The following SHROOM2 variants were observed in gnomAD, a reference collection of about 807,000 sequenced individuals.
SHROOM2 encodes shroom family member 2.
Under a neutral mutation model 75.9 loss-of-function variants are expected in SHROOM2, and 33 were observed. The observed-to-expected ratio is 0.43, with a 90% CI of 0.33 to 0.58. The LOEUF is 0.58. Ranked by LOEUF, SHROOM2 falls within the 20% of genes least tolerant of loss-of-function variation. SHROOM2 has a pLI of 0.04. For synonymous variants in SHROOM2, 655 were observed against 663.6 expected (o/e 0.99, Z 0.20); for missense variants, 1,434 against 1,461.2 (o/e 0.98, Z 0.30).
chrX:9,905,574 G>A (rs931920298), intron 5 of SHROOM2, among the ~76,000 whole-genome samples: 8 of 113,287 alleles, frequency 7.1e-5, no homozygotes, highest in African/African-American at 2.2e-4. Flanking sequence ...GTGACGGCGC[G>A]GGAGCCAGTG....
At chrX:9,834,465 G>A (rs1183600996) in intron 1 of SHROOM2, among the ~76,000 whole-genome samples, 1 of 111,866 alleles carries the variant, frequency 8.9e-6, no homozygotes, top group Non-Finnish European at 1.9e-5. Context: ...AAAACAGGGA[G>A]CAGAGCTCGG....
intron 2 of SHROOM2, among the ~76,000 whole-genome samples, chrX:9,880,092 T>C (rs938496389): frequency 2.7e-5 from 3 of 112,036 alleles, no homozygotes; most frequent in Non-Finnish European, 3.8e-5. Flanking sequence ...GGGAATGTCC[T>C]CTCTTGAGAC....
At chrX:9,915,711 A>G (rs1226043380) in intron 5 of SHROOM2, among the ~76,000 whole-genome samples, 4 of 112,577 alleles carry the variant, frequency 3.6e-5, no homozygotes, top group Non-Finnish European at 7.5e-5. Flanking sequence ...ACATATGTGT[A>G]CTACACACAT....
At chrX:9,872,979 A>G (rs1469659030) in intron 1 of SHROOM2, among the ~76,000 whole-genome samples, 11 of 112,606 alleles carry the variant, frequency 9.8e-5, no homozygotes. Flanking sequence ...TACATGCTAC[A>G]ACGTAGATAA....
rs774361598 is a variant in SHROOM2, at chrX:9,840,687, A to T, written c.166-32965A>T. Among the ~76,000 whole-genome samples, 7 of 112,188 alleles carry T rather than the reference A, an allele frequency of 6.2e-5. No individual in the cohort carries two copies. The East Asian group carries it at 1.9e-3, about 31-fold the overall frequency. On this transcript the variant is annotated intron_variant, in intron 1 of 9. Coordinates refer to ENST00000380913, the MANE Select transcript of SHROOM2 (RefSeq NM_001649.4). ...TGAGGTGGGCTGTTTATAGTAGGGT[A>T]GATGCTTCTAATCTAATGTAGAATT...
rs762633255 is a variant in SHROOM2 at position 9,849,452 on chromosome X, G to A, written c.166-24200G>A. Among the ~76,000 whole-genome samples, 8 of 112,085 alleles carry A rather than the reference G, an allele frequency of 7.1e-5. No homozygotes were observed. The South Asian group carries it at 3.0e-3, about 41-fold the overall frequency. ...GGGACCAGGGCTGCAGCTTCCCTAT[G>A]GGGGTGCTGGTGGCCTTGTGGCACT... On this transcript the variant is annotated intron_variant, in intron 1 of 9. Coordinates refer to ENST00000380913, the MANE Select transcript of SHROOM2 (RefSeq NM_001649.4).
At chrX:9,871,711 G>A (rs897765899) in intron 1 of SHROOM2, among the ~76,000 whole-genome samples, 1 of 111,999 alleles carries the variant, frequency 8.9e-6, no homozygotes, top group Admixed American at 9.5e-5. Context: ...TCAGATCTAG[G>A]TGGAGATTTC....
intron 1 of SHROOM2, among the ~76,000 whole-genome samples, chrX:9,859,764 A>G (rs1016924957): frequency 4.5e-5 from 5 of 111,707 alleles, no homozygotes; most frequent in Non-Finnish European, 7.5e-5. Flanking sequence ...TGTCCAGAAC[A>G]GCAAGGCTTG....
chrX:9,884,363 C>CTTTTT (rs2084248443), intron 2 of SHROOM2, among the ~76,000 whole-genome samples: 1 of 61,149 alleles, frequency 1.6e-5, no homozygotes, highest in Non-Finnish European at 2.9e-5. Context: ...TTTTTTTTTT[C>CTTTTT]TTTTCTTTTT....
At chrX:9,942,778 T>G (rs2084783652) in intron 8 of SHROOM2, among the ~76,000 whole-genome samples, 1 of 110,961 alleles carries the variant, frequency 9.0e-6, no homozygotes, top group Non-Finnish European at 1.9e-5. Flanking sequence ...CTGATAGAAA[T>G]CTGTGTAGAA....
At chrX:9,875,688 G>C (rs1249623132) in intron 2 of SHROOM2, among the ~76,000 whole-genome samples, 1 of 112,603 alleles carries the variant, frequency 8.9e-6, no homozygotes, top group African/African-American at 3.2e-5. Context: ...TGAATGTTCA[G>C]AGACATTTCT....
chrX:9,891,647 T>G (rs2084292885), intron 3 of SHROOM2, among the ~76,000 whole-genome samples: 1 of 110,873 alleles, frequency 9.0e-6, no homozygotes, highest in South Asian at 3.8e-4. Context: ...TGAGTGTGTG[T>G]GTGTATCTGT....
At position 9,894,484 on chromosome X, in the gene SHROOM2, G is replaced by C; in HGVS notation, c.576G>C (p.Lys192Asn). Residue 192 changes from lysine (K) to asparagine (N), a missense_variant, in exon 4 of 10, where the codon AAG becomes AAC. This residue lies in a region of SHROOM2 where 1,340 missense variants were observed against 1,338.3 expected (regional missense o/e 1.00). Coordinates refer to ENST00000380913, the MANE Select transcript of SHROOM2 (RefSeq NM_001649.4). ...DHPSSRLSVA[K>N]SNSSIDHLGS... ...CCTCCAGTCGCCTCTCGGTGGCCAAGTCCAACAGCAGCATCGACCACCTGG... is the reference window on the plus strand; with the variant it reads ...CCTCCAGTCGCCTCTCGGTGGCCAACTCCAACAGCAGCATCGACCACCTGG... 2 of 1,207,510 alleles carry C rather than the reference G, an allele frequency of 1.7e-6. No homozygotes were observed. The highest frequency in any genetic ancestry group is 2.2e-6 in the Non-Finnish European group (2 of 894,013).
intron 1 of SHROOM2, among the ~76,000 whole-genome samples, chrX:9,866,294 C>G (rs1032446152): frequency 1.8e-5 from 2 of 109,252 alleles, no homozygotes; most frequent in African/African-American, 6.7e-5. Flanking sequence ...ATTAAGCAGA[C>G]TGAGAGGTGA....
At chrX:9,941,997 T>A (rs1225560280) in intron 8 of SHROOM2, among the ~76,000 whole-genome samples, 3 of 101,607 alleles carry the variant, frequency 3.0e-5, no homozygotes, top group Non-Finnish European at 6.0e-5. Flanking sequence ...AAAAAAAAAA[T>A]TCCTGAGCAG....
intron 8 of SHROOM2, among the ~76,000 whole-genome samples, chrX:9,941,344 G>A (rs1043880587): frequency 1.2e-4 from 13 of 111,757 alleles, no homozygotes; most frequent in Non-Finnish European, 1.9e-5. Flanking sequence ...ATAGCAGATG[G>A]GCCTGCCAGA....
intron 1 of SHROOM2, among the ~76,000 whole-genome samples, chrX:9,808,087 C>T (rs1269747091): frequency 9.0e-6 from 1 of 111,211 alleles, no homozygotes; most frequent in Non-Finnish European, 1.9e-5. Context: ...CAGACTTTGC[C>T]CCGCTTGGAG....
intron 5 of SHROOM2, among the ~76,000 whole-genome samples, chrX:9,928,196 G>A (rs2084613549): frequency 8.9e-6 from 1 of 112,280 alleles, no homozygotes; most frequent in Non-Finnish European, 1.9e-5. Flanking sequence ...TGGGCTCCAT[G>A]TAGCAGATCT....
intron 5 of SHROOM2, among the ~76,000 whole-genome samples, chrX:9,908,272 G>T (rs2084402357): frequency 8.9e-6 from 1 of 111,880 alleles, no homozygotes; most frequent in Non-Finnish European, 1.9e-5. Flanking sequence ...GACCACATGG[G>T]CTGGGCATGC....
Sources: gnomAD v4.1 joint callset for allele counts (sites outside exome capture counted in the v4.1 genomes callset) on GRCh38, gnomAD v4.1.1 for gene constraint, gnomAD v4.1.1 regional missense constraint, MANE v1.5 for transcripts, NCBI Gene and HGNC (gene_info 2026-07-23, HGNC 2026-07-21) for gene names.